The following OTOGL variants were observed in gnomAD, a reference collection of about 807,000 sequenced individuals.
OTOGL encodes otogelin-like protein.
A neutral mutation model predicts 318.5 loss-of-function variants in OTOGL; 285 were observed. The ratio of observed to expected loss-of-function variants is 0.89; its 90% confidence interval spans 0.81 to 0.99. OTOGL has a LOEUF of 0.99. Ranked by LOEUF, OTOGL falls within the 50% of genes least tolerant of loss-of-function variation. The pLI, the probability that OTOGL is intolerant of heterozygous loss-of-function variation, is 0.00. For synonymous variants in OTOGL, 987 were observed against 936.5 expected (o/e 1.05, Z -0.99); for missense variants, 2,899 against 2,845.6 (o/e 1.02, Z -0.43).
chr12:80,241,293 T>C (rs896744072), intron 11 of OTOGL, among the ~76,000 whole-genome samples: 1 of 152,182 alleles, frequency 6.6e-6, no homozygotes, highest in Non-Finnish European at 1.5e-5. Flanking sequence ...TAGATTTATA[T>C]GTATAGTCTC....
intron 44 of OTOGL, among the ~76,000 whole-genome samples, chr12:80,344,760 T>G (rs1310335245): frequency 6.6e-6 from 1 of 151,992 alleles, no homozygotes; most frequent in East Asian, 1.9e-4. Context: ...AGTTTTAGAA[T>G]CATTTGGAAA....
chr12:80,110,398 C>T (rs1869765797), intron 1 of OTOGL, among the ~76,000 whole-genome samples: 1 of 152,112 alleles, frequency 6.6e-6, no homozygotes, highest in Non-Finnish European at 1.5e-5. Context: ...TGCTATCCCT[C>T]CCCTTGCTCC....
intron 20 of OTOGL, chr12:80,265,773 C>A (rs115564709): frequency 0.016 from 2,510 of 155,066 alleles, 65 homozygotes; most frequent in African/African-American, 0.057. Flanking sequence ...ACCACTCTCT[C>A]CACCTCTTCA....
intron 1 of OTOGL, chr12:80,132,463 C>G (rs775133586): frequency 2.0e-5 from 3 of 151,846 alleles, no homozygotes; most frequent in Non-Finnish European, 4.4e-5. Context: ...AATGTTTTAT[C>G]TGCCGGGAGG....
chr12:80,252,130 C>T lies in OTOGL; in HGVS notation c.1214C>T (p.Pro405Leu), dbSNP rs755984523. 2 of 1,571,132 alleles carry T rather than the reference C, an allele frequency of 1.3e-6. No individual in the cohort carries two copies. Among genetic ancestry groups the T allele is most frequent in the South Asian group, 2.3e-5 (2 of 85,524 alleles). Residue 405 changes from proline to leucine, a missense_variant, in exon 13 of 59, where the codon CCA becomes CTA. Around this residue, in one of 3 missense-constraint regions of OTOGL, gnomAD observed 2,607 missense variants for 2,524.9 expected, o/e 1.03. Transcript: ENST00000547103. ...VHRDCISCCP[P>L]TCTFEKQCLG... ...CGGGACTGTATCAGTTGTTGTCCACCAACCTGCACATTTGAGAAGCAATGT... is the reference window on the plus strand; with the variant it reads ...CGGGACTGTATCAGTTGTTGTCCACTAACCTGCACATTTGAGAAGCAATGT...
Position 80,377,989 on chromosome 12 carries a change from G to A in OTOGL, c.7003G>A (p.Gly2335Ser), listed in dbSNP as rs756428304. The change falls in exon 59 of 59, where the codon GGC (glycine) becomes AGC (serine). Residue 2335 changes from glycine to serine, a missense_variant. This residue lies in a region of OTOGL where 289 missense variants were observed against 304.6 expected (regional missense o/e 0.95). Transcript: ENST00000547103. ...TGTGCCTCTGTATTGCTCAGGAAAT[G>A]GCACTGAAATTATGTACACTCTCCA... ...LSVPLYCSGN[G>S]TEIMYTLQEP... The A allele has an allele frequency of 2.5e-6, 4 of 1,602,168 alleles. No individual in the cohort carries two copies. The highest frequency in any genetic ancestry group is 1.7e-4 in the Middle Eastern group (1 of 6,052).
intron 1 of OTOGL, among the ~76,000 whole-genome samples, chr12:80,164,213 A>T (rs775888047): frequency 1.2e-4 from 18 of 152,202 alleles, no homozygotes; most frequent in Middle Eastern, 3.2e-3. Flanking sequence ...AAACTTCATC[A>T]TGTAGTATAT....
At chr12:80,250,360 G>A (rs1468837722) in intron 11 of OTOGL, among the ~76,000 whole-genome samples, 1 of 152,078 alleles carries the variant, frequency 6.6e-6, no homozygotes, top group Non-Finnish European at 1.5e-5. Context: ...TAATGTGCCT[G>A]TCATGGTTCC....
intron 35 of OTOGL, among the ~76,000 whole-genome samples, chr12:80,326,846 G>T (rs1887705545): frequency 6.6e-6 from 1 of 152,176 alleles, no homozygotes; most frequent in African/African-American, 2.4e-5. Context: ...TCTTTAAAAA[G>T]TGTTGCCTGG....
chr12:80,120,219 C>T (rs1294390563), intron 1 of OTOGL, among the ~76,000 whole-genome samples: 1 of 151,922 alleles, frequency 6.6e-6, no homozygotes, highest in East Asian at 1.9e-4. Flanking sequence ...CATCTTTTTT[C>T]AGATAATGCA....
At position 80,336,795 on chromosome 12, in the gene OTOGL, A is replaced by G. The variant is rs1367874022; in HGVS notation, c.4744-2A>G. On this transcript the variant is annotated splice_acceptor_variant, in intron 40 of 58. Coordinates refer to ENST00000547103, the MANE Select transcript of OTOGL (RefSeq NM_001378609.3). LOFTEE classifies it high-confidence loss of function. The stretch of plus-strand genomic sequence containing the variant: ...TAAAAGTATTTCTTTTTTTTTTTCC[A>G]GAATGGAAACTCCTTAAAAAAGCTA... 5 of 1,513,536 alleles carry G rather than the reference A, an allele frequency of 3.3e-6. No individual in the cohort carries two copies. Among genetic ancestry groups the G allele is most frequent in the African/African-American group, 1.4e-5 (1 of 71,276 alleles). 93.8% of individuals were successfully genotyped at this position (1,513,536 alleles called of 1,614,324 possible).
intron 26 of OTOGL, among the ~76,000 whole-genome samples, chr12:80,279,970 T>C (rs1398077554): frequency 6.6e-6 from 1 of 151,826 alleles, no homozygotes; most frequent in Non-Finnish European, 1.5e-5. Context: ...CTGTTTTTTT[T>C]TGACTTTTTA....
intron 28 of OTOGL, among the ~76,000 whole-genome samples, chr12:80,303,535 C>T (rs1233104190): frequency 6.6e-6 from 1 of 152,092 alleles, no homozygotes; most frequent in Non-Finnish European, 1.5e-5. Flanking sequence ...TTGTATTAGT[C>T]CATTTTCACA....
chr12:80,350,852 G>A (rs1023459930), intron 44 of OTOGL, among the ~76,000 whole-genome samples: 2 of 152,092 alleles, frequency 1.3e-5, no homozygotes, highest in Non-Finnish European at 1.5e-5. Context: ...CATTCTATAG[G>A]TCGTCTCTTT....
chr12:80,235,230 C>G (rs181788414), intron 9 of OTOGL, among the ~76,000 whole-genome samples: 9 of 151,698 alleles, frequency 5.9e-5, no homozygotes, highest in African/African-American at 1.7e-4. Flanking sequence ...TTTGGAAGGC[C>G]GAGGCAGGTG....
intron 1 of OTOGL, among the ~76,000 whole-genome samples, chr12:80,198,736 C>G (rs1401327168): frequency 2.0e-5 from 3 of 152,168 alleles, no homozygotes; most frequent in African/African-American, 7.2e-5. Flanking sequence ...TTAGTTGTGC[C>G]AGAAAACATT....
chr12:80,198,165 C>T (rs549771372), intron 1 of OTOGL, among the ~76,000 whole-genome samples: 2 of 152,338 alleles, frequency 1.3e-5, no homozygotes, highest in South Asian at 2.1e-4. Flanking sequence ...TAACTTCTCT[C>T]ACCCCCTGGA....
At chr12:80,368,150 G>T in intron 54 of OTOGL, 55 bp from the exon 55 acceptor site, 1 of 1,274,702 alleles carries the variant, frequency 7.8e-7, no homozygotes, top group Non-Finnish European at 1.1e-6. Flanking sequence ...CTCTCCAGAA[G>T]TAATTCATTA....
intron 1 of OTOGL, among the ~76,000 whole-genome samples, chr12:80,118,497 T>A (rs1870300236): frequency 6.6e-6 from 1 of 152,144 alleles, no homozygotes; most frequent in African/African-American, 2.4e-5. Flanking sequence ...GCCCAAAGTG[T>A]TTACTTGTAA....
Sources: allele counts gnomAD v4.1 joint callset (sites outside exome capture counted in the v4.1 genomes callset), GRCh38; gene constraint gnomAD v4.1.1; regional missense constraint gnomAD v4.1.1; transcripts MANE v1.5; gene names NCBI Gene and HGNC (gene_info 2026-07-23, HGNC 2026-07-21).